Variants in NT5DC1 observed in about 807,000 individuals in gnomAD.
The protein encoded by NT5DC1 is 5'-nucleotidase domain-containing protein 1.
NT5DC1 carries 42 observed loss-of-function variants against 59.4 expected under a neutral mutation model. The ratio of observed to expected loss-of-function variants is 0.71; its 90% CI spans 0.55 to 0.92. The LOEUF (loss-of-function observed/expected upper bound fraction) is 0.92, where lower values mean the gene tolerates loss of function less well. NT5DC1 is among the 40% of genes least tolerant of loss of function. NT5DC1 has a pLI of 0.00. For missense variants in NT5DC1, 501 were observed against 537.1 expected (o/e 0.93, Z 0.66); for synonymous variants, 172 against 188.1 (o/e 0.91, Z 0.70).
At chr6:116,141,259 T>A (rs937580079) in intron 6 of NT5DC1, among the ~76,000 whole-genome samples, 3 of 150,904 alleles carry the variant, frequency 2.0e-5, no homozygotes, top group Admixed American at 1.3e-4. Context: ...CTACTTTTTA[T>A]CAGATTTTTT....
intron 6 of NT5DC1, among the ~76,000 whole-genome samples, chr6:116,210,553 G>A (rs142165880): frequency 2.0e-5 from 3 of 151,992 alleles, no homozygotes; most frequent in African/African-American, 7.2e-5. Context: ...CGGATTTTCA[G>A]TTGCAAAACG....
At chr6:116,211,179 G>A (rs1431879235) in intron 6 of NT5DC1, among the ~76,000 whole-genome samples, 1 of 152,014 alleles carries the variant, frequency 6.6e-6, no homozygotes. Flanking sequence ...GTGGAGAGAT[G>A]TTTGTTTCAC....
chr6:116,147,620 C>T (rs1779931313), intron 6 of NT5DC1, among the ~76,000 whole-genome samples: 1 of 151,976 alleles, frequency 6.6e-6, no homozygotes, highest in Admixed American at 6.6e-5. Flanking sequence ...GGCCTTAAAC[C>T]TATGCAAAGA....
intron 6 of NT5DC1, among the ~76,000 whole-genome samples, chr6:116,146,895 A>C (rs1182923869): frequency 6.6e-6 from 1 of 151,682 alleles, no homozygotes; most frequent in East Asian, 1.9e-4. Context: ...CCTAATACCT[A>C]AATAAATTCC....
chr6:116,231,021 G>A (rs540493254), intron 8 of NT5DC1, among the ~76,000 whole-genome samples: 1 of 149,360 alleles, frequency 6.7e-6, no homozygotes, highest in South Asian at 2.1e-4. Context: ...CAGGAAAATC[G>A]CTTGAACCCA....
At position 116,247,089 on chromosome 6, in the gene NT5DC1, T is replaced by C. The variant is rs1771863618; in HGVS notation, c.*3065T>C. 6.6e-6 allele frequency: 1 copy of C among 152,158 alleles called. No individual in the cohort carries two copies. Among genetic ancestry groups the C allele is most frequent in the African/African-American group, 2.4e-5 (1 of 41,436 alleles). The allele number at this position is 152,158 out of a possible 1,614,324, so 9.4% of individuals were successfully genotyped here. Reference sequence around the variant, plus strand: ...AAGAGAGCAATACATGAACCCAAGTTTGATCCTCAAAATCACACTTTTAAT... The same window carrying C: ...AAGAGAGCAATACATGAACCCAAGTCTGATCCTCAAAATCACACTTTTAAT... On this transcript the variant is annotated 3_prime_UTR_variant, in exon 12 of 12. Coordinates refer to ENST00000319550, the MANE Select transcript of NT5DC1 (RefSeq NM_152729.3).
intron 3 of NT5DC1, among the ~76,000 whole-genome samples, chr6:116,109,887 A>G (rs543362909): frequency 6.6e-6 from 1 of 151,194 alleles, no homozygotes; most frequent in South Asian, 2.1e-4. Flanking sequence ...ACTAGTTCCT[A>G]TAATGAACTA....
rs770582345 is a variant in NT5DC1 at position 116,108,417 on chromosome 6, A to G, written c.239A>G (p.Asn80Ser). 1.2e-6 allele frequency: 2 copies of G among 1,604,466 alleles called. No homozygotes were observed. Among genetic ancestry groups the G allele is most frequent in the Non-Finnish European group, 1.7e-6 (2 of 1,171,312 alleles). ...GATGGGAACTTCCTTAAACTTGCAA[A>G]TAATGGCACTGTTCTCAGGTAATAA... is the stretch of plus-strand genomic sequence containing the variant. ...LEDGNFLKLA[N>S]NGTVLRASHG... Residue 80 changes from asparagine (N) to serine (S), a missense_variant, in exon 3 of 12, where the codon AAT becomes AGT. Asn to Ser is a conservative substitution (Grantham distance 46, BLOSUM62 1). Transcript: ENST00000319550.
At chr6:116,155,309 A>C (rs1175874048) in intron 6 of NT5DC1, among the ~76,000 whole-genome samples, 1 of 152,110 alleles carries the variant, frequency 6.6e-6, no homozygotes, top group African/African-American at 2.4e-5. Context: ...GAAAAATAAT[A>C]ATCTTTCTTA....
intron 6 of NT5DC1, among the ~76,000 whole-genome samples, chr6:116,179,130 G>A (rs1249168558): frequency 1.3e-5 from 2 of 152,108 alleles, no homozygotes; most frequent in Admixed American, 6.6e-5. Context: ...AAGTGTCATT[G>A]TAAGGGTGGG....
intron 6 of NT5DC1, among the ~76,000 whole-genome samples, chr6:116,123,486 G>A (rs189355113): frequency 6.6e-6 from 1 of 152,346 alleles, no homozygotes; most frequent in East Asian, 1.9e-4. Context: ...ATCGTGATTG[G>A]TTGTGTCAGA....
intron 6 of NT5DC1, among the ~76,000 whole-genome samples, chr6:116,182,231 G>GTGTGTGTGTGTGTGTGTA (rs1780896999): frequency 1.3e-5 from 2 of 151,356 alleles, no homozygotes; most frequent in African/African-American, 4.9e-5. Context: ...GAGTGTGTGT[G>GTGTGTGTGTGTGTGTGTA]TGTGTGTGTG....
chr6:116,142,284 C>CTT lies in NT5DC1; in HGVS notation c.529+24347_529+24348dup, dbSNP rs573786007. On this transcript the variant is annotated intron_variant, in intron 6 of 11. Coordinates refer to ENST00000319550, the MANE Select transcript of NT5DC1 (RefSeq NM_152729.3). ...ACTATTTGATTAAATTCTATTTTTG[C>CTT]TTTTTTTTTCAATTTATTTGGCATA... Among the ~76,000 whole-genome samples, 394 of 147,866 alleles carry CTT rather than the reference C, an allele frequency of 2.7e-3. 10 individuals are homozygous for CTT. In the South Asian group the frequency reaches 0.044, roughly 17 times the overall value.
intron 2 of NT5DC1, among the ~76,000 whole-genome samples, chr6:116,106,876 A>G (rs1468593458): frequency 6.6e-6 from 1 of 152,134 alleles, no homozygotes; most frequent in Non-Finnish European, 1.5e-5. Flanking sequence ...CAAATATCCT[A>G]AGCCACTTTA....
intron 11 of NT5DC1, 113 bp from the exon 12 acceptor site, chr6:116,243,796 A>G: frequency 1.8e-6 from 1 of 542,548 alleles, no homozygotes. Flanking sequence ...CAAAAGAAAT[A>G]TTAAAATTTT....
chr6:116,175,131 G>T (rs1025761663), intron 6 of NT5DC1, among the ~76,000 whole-genome samples: 6 of 151,876 alleles, frequency 4.0e-5, no homozygotes, highest in African/African-American at 9.7e-5. Context: ...TGTATATTTT[G>T]TATAGAGTTT....
rs758302419 is a variant in NT5DC1, at chr6:116,101,039, T to A, written c.93+16T>A. On this transcript the variant is annotated intron_variant, in intron 1 of 11. Coordinates refer to ENST00000319550, the MANE Select transcript of NT5DC1 (RefSeq NM_152729.3). ...GAGCGCCCCGGTGAGTGGCGCGGGC[T>A]CCGGGGCGCACTGCGCGCAACCTCC... 6.4e-7 allele frequency: 1 copy of A among 1,563,798 alleles called. No individual in the cohort carries two copies. The highest frequency in any genetic ancestry group is 8.7e-7 in the Non-Finnish European group (1 of 1,149,010).
rs1190793424 is a variant in NT5DC1 at position 116,249,495 on chromosome 6, T to C, written c.*5471T>C. 6.6e-6 allele frequency: 1 copy of C among 152,250 alleles called. No homozygotes were observed. Among genetic ancestry groups the C allele is most frequent in the Non-Finnish European group, 1.5e-5 (1 of 68,042 alleles). 9.4% of individuals were successfully genotyped at this position (152,250 alleles called of 1,614,324 possible). ...TACCGGTAATTAAAGTTGTGATACC[T>C]GATATCATTTGTCTCTAGACATTTT... On this transcript the variant is annotated 3_prime_UTR_variant, in exon 12 of 12. Coordinates refer to ENST00000319550, the MANE Select transcript of NT5DC1 (RefSeq NM_152729.3).
At chr6:116,106,895 A>G (rs1457292149) in intron 2 of NT5DC1, among the ~76,000 whole-genome samples, 1 of 152,164 alleles carries the variant, frequency 6.6e-6, no homozygotes, top group Admixed American at 6.5e-5. Flanking sequence ...TAAATTGTTC[A>G]GTTTAAAATC....
Sources: gnomAD v4.1 joint callset for allele counts (sites outside exome capture counted in the v4.1 genomes callset) on GRCh38, gnomAD v4.1.1 for gene constraint, MANE v1.5 for transcripts, NCBI Gene and HGNC (gene_info 2026-07-23, HGNC 2026-07-21) for gene names.